CFAP96: variants seen among roughly 807,000 people sequenced by gnomAD.
CFAP96 encodes the protein cilia and flagella associated protein 96.
At chr4:185,415,396 A>G in the CFAP96 span, 2 of 1,440,236 alleles carry the variant, frequency 1.4e-6, no homozygotes, top group Non-Finnish European at 1.9e-6. Flanking sequence ...TAGTGACTAC[A>G]ATAAAGAAAA....
chr4:185,434,821 C>T, the CFAP96 span, among the ~76,000 whole-genome samples: 1 of 152,226 alleles, frequency 6.6e-6, no homozygotes, highest in African/African-American at 2.4e-5. Context: ...TCACTGCAAT[C>T]TCCGCCTCCC....
the CFAP96 span, among the ~76,000 whole-genome samples, chr4:185,410,728 C>T: frequency 6.6e-6 from 1 of 150,692 alleles, no homozygotes; most frequent in Admixed American, 6.6e-5. Context: ...AGGCAGATCA[C>T]GAGGTCAGGA....
At chr4:185,446,519 A>G in the CFAP96 span, among the ~76,000 whole-genome samples, 8 of 152,120 alleles carry the variant, frequency 5.3e-5, no homozygotes, top group African/African-American at 9.7e-5. Flanking sequence ...TATGTATCCA[A>G]TTTTCTGACT....
the CFAP96 span, among the ~76,000 whole-genome samples, chr4:185,442,354 G>A: frequency 1.3e-5 from 2 of 151,914 alleles, no homozygotes; most frequent in African/African-American, 4.8e-5. Context: ...CCCTTGTAGA[G>A]TTTTGTATTT....
the CFAP96 span, chr4:185,440,597 C>T: frequency 2.6e-6 from 4 of 1,536,086 alleles, no homozygotes; most frequent in East Asian, 1.0e-4. Context: ...GTTAAATCTT[C>T]ACCCAAGGGA....
chr4:185,418,753 C>T, the CFAP96 span: 1 of 1,583,980 alleles, frequency 6.3e-7, no homozygotes, highest in Admixed American at 2.0e-5. Flanking sequence ...TGTTTCAGTG[C>T]CTTCTTGAGA....
chr4:185,425,105 C>T, the CFAP96 span, among the ~76,000 whole-genome samples: 2 of 152,292 alleles, frequency 1.3e-5, no homozygotes, highest in Admixed American at 1.3e-4. Flanking sequence ...AACAGACAGA[C>T]ATTTAGAAGT....
chr4:185,419,863 C>A, the CFAP96 span, among the ~76,000 whole-genome samples: 235 of 152,296 alleles, frequency 1.5e-3, 1 homozygote, highest in African/African-American at 4.5e-3. Flanking sequence ...ATATATGCTG[C>A]CATGAACATC....
chr4:185,443,342 A>ATATATTTTTTTTTTTTTTTTT, the CFAP96 span, among the ~76,000 whole-genome samples: 2 of 26,722 alleles, frequency 7.5e-5, 1 homozygote, highest in African/African-American at 2.3e-4. Flanking sequence ...ATATATATAT[A>ATATATTTTTTTTTTTTTTTTT]TTTTTTTTTT....
At chr4:185,445,530 A>C in the CFAP96 span, 1 of 1,569,380 alleles carries the variant, frequency 6.4e-7, no homozygotes, top group Non-Finnish European at 8.7e-7. Flanking sequence ...TCTGTCTTTA[A>C]CTTTGAAATA....
chr4:185,425,504 A>C, the CFAP96 span, among the ~76,000 whole-genome samples: 1 of 152,168 alleles, frequency 6.6e-6, no homozygotes, highest in African/African-American at 2.4e-5. Flanking sequence ...AAACCAGGGG[A>C]GGGAAATACC....
chr4:185,425,954 A>T, the CFAP96 span: 2 of 1,505,268 alleles, frequency 1.3e-6, no homozygotes, highest in Non-Finnish European at 9.0e-7. Flanking sequence ...CGCACGGCCC[A>T]GGGGCGGGGC....
the CFAP96 span, among the ~76,000 whole-genome samples, chr4:185,447,424 C>A: frequency 6.6e-6 from 1 of 152,204 alleles, no homozygotes; most frequent in Non-Finnish European, 1.5e-5. Context: ...TCGTGATCCA[C>A]CCACCTTGGC....
At chr4:185,425,882 C>T in the CFAP96 span, 1 of 1,600,678 alleles carries the variant, frequency 6.2e-7, no homozygotes, top group East Asian at 2.3e-5. Context: ...CGCGACGTGG[C>T]GGTGACACGG....
the CFAP96 span, among the ~76,000 whole-genome samples, chr4:185,443,074 A>G: frequency 6.6e-6 from 1 of 151,882 alleles, no homozygotes; most frequent in Non-Finnish European, 1.5e-5. Flanking sequence ...TCTATGTTCT[A>G]TAGCAGTTTA....
chr4:185,428,424 A>T, the CFAP96 span, among the ~76,000 whole-genome samples: 1 of 150,968 alleles, frequency 6.6e-6, no homozygotes, highest in Admixed American at 6.6e-5. Flanking sequence ...AAATACAAAA[A>T]CAGCTGGGCA....
At chr4:185,426,050 G>A in the CFAP96 span, 3 of 660,288 alleles carry the variant, frequency 4.5e-6, no homozygotes, top group Admixed American at 8.7e-5. Flanking sequence ...CGGACGGCGA[G>A]GCGGGGCGGG....
At chr4:185,431,880 C>G in the CFAP96 span, 3 of 958,320 alleles carry the variant, frequency 3.1e-6, no homozygotes, top group Non-Finnish European at 4.6e-6. Flanking sequence ...GCTCAAAATT[C>G]ATAATTGGCC....
the CFAP96 span, among the ~76,000 whole-genome samples, chr4:185,445,875 C>T: frequency 1.3e-5 from 2 of 152,040 alleles, no homozygotes; most frequent in African/African-American, 2.4e-5. Flanking sequence ...GAGTTTCGCT[C>T]TTATTGCCCA....
Sources: allele counts gnomAD v4.1 joint callset (sites outside exome capture counted in the v4.1 genomes callset), GRCh38; gene constraint gnomAD v4.1.1; transcripts MANE v1.5; gene names NCBI Gene and HGNC (gene_info 2026-07-23, HGNC 2026-07-21).